FRMD8: variants seen among roughly 807,000 people sequenced by gnomAD.
FRMD8 encodes FERM domain containing 8.
Under a neutral mutation model 54.2 loss-of-function variants are expected in FRMD8, and 37 were observed. That is an observed-to-expected ratio of 0.68 (90% CI 0.53 to 0.90). The LOEUF (loss-of-function observed/expected upper bound fraction) is 0.90, where lower values mean the gene tolerates loss of function less well. Among genes scored for constraint, FRMD8 ranks in the 40% least tolerant of loss-of-function variants. The pLI, the probability that FRMD8 is intolerant of heterozygous loss-of-function variation, is 0.00. For synonymous variants in FRMD8, 246 were observed against 286.9 expected (o/e 0.86, Z 1.44); for missense variants, 585 against 653.7 (o/e 0.89, Z 1.15).
rs367839504 is a variant in FRMD8, at chr11:65,405,540, T to G, written c.1276+472T>G. The stretch of plus-strand genomic sequence containing the variant: ...CGGGAGGCTGAGGCAGGAAAAACGC[T>G]TGAACCCAGCAGGCAGAGGTTGCAG... On this transcript the variant is annotated intron_variant, in intron 10 of 10. Transcript: ENST00000317568. Among the ~76,000 whole-genome samples the G allele has an allele frequency of 3.3e-5, 5 of 152,176 alleles. No individual in the cohort carries two copies. The East Asian group carries it at 9.6e-4, about 29-fold the overall frequency.
chr11:65,393,476 G>A (rs998652881), intron 3 of FRMD8, 97 bp from the exon 4 acceptor site: 25 of 844,716 alleles, frequency 3.0e-5, no homozygotes, highest in South Asian at 2.2e-4. Flanking sequence ...GTTACTATTG[G>A]TTGCGACTGT....
chr11:65,406,899 C>T (rs555899070), intron 10 of FRMD8, among the ~76,000 whole-genome samples: 3 of 151,836 alleles, frequency 2.0e-5, no homozygotes, highest in Non-Finnish European at 4.4e-5. Context: ...AAAATCACGC[C>T]ACTGCACTCC....
intron 4 of FRMD8, 83 bp from the exon 5 acceptor site, chr11:65,393,958 G>C: frequency 6.9e-7 from 1 of 1,446,978 alleles, no homozygotes; most frequent in Non-Finnish European, 9.7e-7. Context: ...GGTGAGGTTG[G>C]TGGCCAGGGC....
At chr11:65,381,398 G>A in the FRMD8 span, 1 of 157,502 alleles carries the variant, frequency 6.3e-6, no homozygotes, top group Non-Finnish European at 1.4e-5. Context: ...CAAAGTGCTG[G>A]GCTTACAGGC....
the FRMD8 span, chr11:65,381,587 T>TTG: frequency 8.0e-6 from 1 of 125,214 alleles, no homozygotes; most frequent in Non-Finnish European, 1.6e-5. Context: ...TTTTTTTTTG[T>TTG]GGCAGGGTCT....
chr11:65,380,877 A>G, the FRMD8 span: 8 of 290,972 alleles, frequency 2.7e-5, no homozygotes, highest in South Asian at 1.1e-4. Flanking sequence ...CAGGTGGGGC[A>G]GAGGCCCAGA....
chr11:65,395,337 G>A (rs1274178598), intron 6 of FRMD8, among the ~76,000 whole-genome samples: 1 of 152,094 alleles, frequency 6.6e-6, no homozygotes, highest in Non-Finnish European at 1.5e-5. Context: ...GAGGTCAGGA[G>A]TTCAAGACCA....
intron 2 of FRMD8, 64 bp downstream of exon 2, chr11:65,387,185 C>T (rs1163457623): frequency 1.6e-6 from 2 of 1,252,272 alleles, no homozygotes; most frequent in African/African-American, 2.9e-5. Context: ...AGAAGTAGCT[C>T]TGGCTTGTCT....
At chr11:65,407,899 A>AG (rs1555042985) in intron 10 of FRMD8, among the ~76,000 whole-genome samples, 1 of 149,618 alleles carries the variant, frequency 6.7e-6, no homozygotes, top group East Asian at 2.0e-4. Flanking sequence ...AAAAAAAAAA[A>AG]GGAAATGAGT....
the FRMD8 span, chr11:65,379,884 TCTTGACCATGCAATCAA>T: frequency 6.2e-7 from 1 of 1,614,154 alleles, no homozygotes; most frequent in Non-Finnish European, 8.5e-7. Context: ...TGGCGGTAAA[TCTTGACCATGCAATCAA>T]CGATGCCCCG....
rs780162209 is a variant in FRMD8 at position 65,389,445 on chromosome 11, T to C, written c.170T>C (p.Leu57Pro). The part of the protein sequence containing the change: ...ENLPSLSAHE[L>P]HRAVREVLQL... ...CTGCCCTCGCTCAGTGCCCATGAGC[T>C]GCACCGCGCTGTCCGCGAGGTCCTG... Residue 57 changes from leucine to proline, a missense_variant, in exon 3 of 11, where the codon CTG (leucine) becomes CCG (proline). Physicochemically the swap from Leu to Pro is moderately conservative, Grantham distance 98. Transcript: ENST00000317568. 6.2e-7 allele frequency: 1 copy of C among 1,610,000 alleles called. No individual in the cohort carries two copies. The highest frequency in any genetic ancestry group is 1.1e-5 in the South Asian group (1 of 91,082).
chr11:65,377,093 A>ATG, the FRMD8 span: 1 of 1,608,488 alleles, frequency 6.2e-7, no homozygotes, highest in South Asian at 1.1e-5. Context: ...GTGATGAAAC[A>ATG]TGAGGGCCCC....
At chr11:65,371,437 C>T in the FRMD8 span, among the ~76,000 whole-genome samples, 2 of 152,216 alleles carry the variant, frequency 1.3e-5, no homozygotes, top group African/African-American at 2.4e-5. Context: ...TTGCAAGTGA[C>T]TGACAGACAC....
chr11:65,393,937 C>A, intron 4 of FRMD8, 104 bp from the exon 5 acceptor site: 1 of 1,259,392 alleles, frequency 7.9e-7, no homozygotes, highest in Non-Finnish European at 1.1e-6. Context: ...CCGGTTTTCT[C>A]AGCCCTGGTG....
chr11:65,399,578 G>A (rs547253190), intron 7 of FRMD8, among the ~76,000 whole-genome samples, 158 bp from the exon 8 acceptor site: 108 of 152,264 alleles, frequency 7.1e-4, no homozygotes, highest in Admixed American at 1.8e-3. Context: ...CCACCCCTAC[G>A]AAGCCTCCCC....
chr11:65,386,951 C>G (rs533580385), intron 1 of FRMD8, 86 bp from the exon 2 acceptor site: 3 of 1,215,576 alleles, frequency 2.5e-6, no homozygotes, highest in African/African-American at 3.0e-5. Context: ...CCTGGGATCC[C>G]TTACCGTACT....
chr11:65,410,039 C>T (rs1856294357), intron 10 of FRMD8, among the ~76,000 whole-genome samples: 1 of 151,732 alleles, frequency 6.6e-6, no homozygotes, highest in Non-Finnish European at 1.5e-5. Flanking sequence ...TAACACTGCA[C>T]TCCAGCCTGA....
intron 9 of FRMD8, among the ~76,000 whole-genome samples, chr11:65,402,839 A>C (rs1391087097): frequency 6.6e-6 from 1 of 150,642 alleles, no homozygotes; most frequent in African/African-American, 2.4e-5. Flanking sequence ...TTTTGGTGCT[A>C]CTGTAAATGG....
intron 3 of FRMD8, among the ~76,000 whole-genome samples, chr11:65,391,305 G>A (rs957793329): frequency 1.3e-5 from 2 of 152,186 alleles, no homozygotes; most frequent in African/African-American, 4.8e-5. Context: ...TTGAGCTGCT[G>A]GGGCTTGGGG....
Sources: allele counts gnomAD v4.1 joint callset (sites outside exome capture counted in the v4.1 genomes callset), GRCh38; gene constraint gnomAD v4.1.1; transcripts MANE v1.5; gene names NCBI Gene and HGNC (gene_info 2026-07-23, HGNC 2026-07-21).